ADRA1B: variants seen among roughly 807,000 people sequenced by gnomAD.
ADRA1B encodes adrenoceptor alpha 1B.
In ADRA1B, 17 loss-of-function variants were observed where a neutral mutation model predicts 17.9. That is an observed-to-expected ratio of 0.95 (90% CI 0.65 to 1.42). ADRA1B has a LOEUF of 1.42. Ranked by LOEUF, ADRA1B falls within the 40% of genes most tolerant of loss-of-function variation. ADRA1B has a pLI of 0.00. For missense variants in ADRA1B, 681 were observed against 722.1 expected (o/e 0.94, Z 0.65); for synonymous variants, 366 against 327.6 (o/e 1.12, Z -1.27).
At chr5:159,975,697 G>C (rs2113304912), downstream of ADRA1B, among the ~76,000 whole-genome samples, 1 of 152,234 alleles carries the variant, frequency 6.6e-6, no homozygotes, top group South Asian at 2.1e-4. Context: ...TCCCCTAGAG[G>C]GTGCTAGGGT....
chr5:159,963,280 C>CA (rs968705358), intron 1 of ADRA1B, among the ~76,000 whole-genome samples: 64 of 97,726 alleles, frequency 6.5e-4, no homozygotes, highest in Non-Finnish European at 1.2e-3. Context: ...AGTGAATAAA[C>CA]AAAAAAAGTA....
chr5:159,971,345 T>A (rs973537971), intron 1 of ADRA1B, among the ~76,000 whole-genome samples: 1 of 152,234 alleles, frequency 6.6e-6, no homozygotes, highest in African/African-American at 2.4e-5. Flanking sequence ...TTTGAAGTAT[T>A]GTTTTTCTTC....
At chr5:159,894,008 A>T (rs1754013674) in intron 1 of ADRA1B, among the ~76,000 whole-genome samples, 1 of 152,202 alleles carries the variant, frequency 6.6e-6, no homozygotes. Flanking sequence ...AGATAGACCC[A>T]GTTTCACAGG....
chr5:159,900,505 A>G (rs1036620208), intron 1 of ADRA1B, among the ~76,000 whole-genome samples: 2 of 152,156 alleles, frequency 1.3e-5, no homozygotes, highest in African/African-American at 4.8e-5. Context: ...GTTTTCTTTT[A>G]TATTTTACAG....
intron 1 of ADRA1B, among the ~76,000 whole-genome samples, chr5:159,872,066 G>A (rs1014596800): frequency 2.0e-5 from 3 of 152,020 alleles, no homozygotes; most frequent in Non-Finnish European, 4.4e-5. Flanking sequence ...TGCCCAACTT[G>A]TATCATATCC....
intron 1 of ADRA1B, among the ~76,000 whole-genome samples, chr5:159,923,703 A>G (rs1439010275): frequency 6.6e-6 from 1 of 152,290 alleles, no homozygotes; most frequent in Non-Finnish European, 1.5e-5. Context: ...GCAACAGCAA[A>G]TCTAGCTGCT....
At chr5:159,975,857 G>A (rs1479966541), downstream of ADRA1B, among the ~76,000 whole-genome samples, 1 of 152,190 alleles carries the variant, frequency 6.6e-6, no homozygotes, top group African/African-American at 2.4e-5. Flanking sequence ...CAGCAAAGCA[G>A]CCCTACTATT....
At chr5:159,880,122 T>C (rs1337067407) in intron 1 of ADRA1B, among the ~76,000 whole-genome samples, 1 of 152,230 alleles carries the variant, frequency 6.6e-6, no homozygotes, top group East Asian at 1.9e-4. Context: ...CATATCTCCA[T>C]TTATGAAGGC....
At chr5:159,951,045 T>C (rs1279399071) in intron 1 of ADRA1B, 2 of 702,360 alleles carry the variant, frequency 2.8e-6, no homozygotes, top group East Asian at 5.6e-5. Flanking sequence ...CAGTTGGTGG[T>C]GCAGGAGGCA....
upstream of ADRA1B, among the ~76,000 whole-genome samples, chr5:159,914,281 C>T (rs1255143372): frequency 3.3e-5 from 5 of 152,164 alleles, no homozygotes; most frequent in African/African-American, 1.2e-4. Flanking sequence ...TCCAGTCTCA[C>T]ACCCCACTGT....
chr5:159,954,507 G>A (rs149598408), intron 1 of ADRA1B, among the ~76,000 whole-genome samples: 471 of 152,294 alleles, frequency 3.1e-3, no homozygotes, highest in African/African-American at 0.01. Context: ...ATGGATTTTA[G>A]GAGGACAATC....
At chr5:159,947,993 T>C in intron 1 of ADRA1B, 1 of 985,454 alleles carries the variant, frequency 1.0e-6, no homozygotes, top group Non-Finnish European at 1.2e-6. Flanking sequence ...ATTGATTTGA[T>C]CAATTACATT....
At chr5:159,947,818 C>G (rs996786458) in intron 1 of ADRA1B, 1 of 985,296 alleles carries the variant, frequency 1.0e-6, no homozygotes, top group African/African-American at 1.7e-5. Flanking sequence ...AGCTACATTG[C>G]ATCACCATAT....
intron 1 of ADRA1B, among the ~76,000 whole-genome samples, chr5:159,963,029 T>A (rs1359596424): frequency 2.0e-5 from 3 of 147,766 alleles, no homozygotes; most frequent in East Asian, 3.9e-4. Context: ...CCTTCCAAAG[T>A]CCTAGGATTA....
At chr5:159,965,039 G>C (rs1289856118) in intron 1 of ADRA1B, among the ~76,000 whole-genome samples, 1 of 152,182 alleles carries the variant, frequency 6.6e-6, no homozygotes, top group East Asian at 1.9e-4. Context: ...GAGAATGCCA[G>C]GGCTAGGGTT....
upstream of ADRA1B, among the ~76,000 whole-genome samples, chr5:159,911,487 G>A (rs190311291): frequency 4.0e-3 from 615 of 152,240 alleles, 5 homozygotes; most frequent in Non-Finnish European, 4.0e-3. Context: ...CAGCCCCTGG[G>A]TGACTTTCAA....
intron 1 of ADRA1B, chr5:159,866,879 G>A (rs538062452): frequency 6.6e-6 from 1 of 152,164 alleles, no homozygotes; most frequent in Non-Finnish European, 1.5e-5. Context: ...CACAAACTGC[G>A]GTTCTGATAT....
chr5:159,928,003 C>T (rs990656721), intron 1 of ADRA1B, among the ~76,000 whole-genome samples: 3 of 152,174 alleles, frequency 2.0e-5, no homozygotes, highest in Non-Finnish European at 4.4e-5. Flanking sequence ...GCCGCGATGA[C>T]ATGAGTGAGT....
intron 1 of ADRA1B, among the ~76,000 whole-genome samples, chr5:159,922,933 G>A (rs915204835): frequency 6.6e-6 from 1 of 152,282 alleles, no homozygotes; most frequent in Non-Finnish European, 1.5e-5. Flanking sequence ...TTGAAGAAAA[G>A]GAGTGTGATG....
Sources: gnomAD v4.1 joint callset for allele counts (sites outside exome capture counted in the v4.1 genomes callset) on GRCh38, gnomAD v4.1.1 for gene constraint, MANE v1.5 for transcripts, NCBI Gene and HGNC (gene_info 2026-07-23, HGNC 2026-07-21) for gene names.